CEP162: variants seen among roughly 807,000 people sequenced by gnomAD.
CEP162 encodes the protein centrosomal protein of 162 kDa.
CEP162 carries 141 observed loss-of-function variants against 169.2 expected under a neutral mutation model. That is an observed-to-expected ratio of 0.83 (90% CI 0.73 to 0.96). CEP162 has a LOEUF of 0.96. Among genes scored for constraint, CEP162 ranks in the 40% least tolerant of loss-of-function variants. The pLI is 0.00. For synonymous variants in CEP162, 540 were observed against 526.4 expected, an observed-to-expected ratio of 1.03 and a Z score of -0.35; for missense variants, 1,600 against 1,587.2, an observed-to-expected ratio of 1.01 and a Z score of -0.14.
At chr6:84,127,486 G>C (rs942250343) in intron 25 of CEP162, among the ~76,000 whole-genome samples, 2 of 152,088 alleles carry the variant, frequency 1.3e-5, no homozygotes, top group African/African-American at 4.8e-5. Context: ...GGTTTGCAGA[G>C]AGCTCAGGGA....
intron 25 of CEP162, among the ~76,000 whole-genome samples, chr6:84,129,190 C>T (rs1461212873): frequency 6.6e-6 from 1 of 152,110 alleles, no homozygotes; most frequent in African/African-American, 2.4e-5. Flanking sequence ...GATTTATAAT[C>T]CTTTGGGTAT....
At chr6:84,222,368 C>T (rs1169442063) in intron 2 of CEP162, among the ~76,000 whole-genome samples, 1 of 152,200 alleles carries the variant, frequency 6.6e-6, no homozygotes, top group Non-Finnish European at 1.5e-5. Context: ...TCTGTGGCTA[C>T]TCCCCTCCAT....
intron 25 of CEP162, among the ~76,000 whole-genome samples, chr6:84,126,939 C>T (rs2099509175): frequency 6.6e-6 from 1 of 152,170 alleles, no homozygotes; most frequent in Non-Finnish European, 1.5e-5. Context: ...TCTGTTAACT[C>T]CCTATAATTC....
intron 7 of CEP162, among the ~76,000 whole-genome samples, chr6:84,202,480 G>A (rs1588865745): frequency 1.5e-5 from 2 of 135,432 alleles, no homozygotes; most frequent in South Asian, 4.7e-4. Flanking sequence ...ATTATGCCTT[G>A]TACTGACCTA....
At chr6:84,207,667 G>T (rs189944401) in intron 6 of CEP162, among the ~76,000 whole-genome samples, 48 of 151,944 alleles carry the variant, frequency 3.2e-4, no homozygotes, top group African/African-American at 1.1e-3. Flanking sequence ...GTATACATAT[G>T]TAACAAACCT....
rs57509590 is a variant in CEP162 at position 84,219,749 on chromosome 6, T to C, written c.172+1308A>G. On this transcript the variant is annotated intron_variant, in intron 3 of 26. Coordinates refer to ENST00000403245, the MANE Select transcript of CEP162 (RefSeq NM_014895.4). Reference sequence around the variant, plus strand: ...CTTTAACATGCATTTATTAAACAAATTTATCATTTAATGTTGAGGGTCAGG... The same window carrying C: ...CTTTAACATGCATTTATTAAACAAACTTATCATTTAATGTTGAGGGTCAGG... 3.0e-3 allele frequency among the ~76,000 whole-genome samples: 451 copies of C among 152,276 alleles called. 2 individuals carry two copies. Among genetic ancestry groups the C allele is most frequent in the African/African-American group, 9.9e-3 (412 of 41,558 alleles).
chr6:84,155,259 CATCTCTGACCTTT>C, intron 22 of CEP162, 26 bp downstream of exon 22: 1 of 1,499,462 alleles, frequency 6.7e-7, no homozygotes, highest in Non-Finnish European at 9.2e-7. Context: ...CCCCATTGTT[CATCTCTGACCTTT>C]ATCTCTGAGG....
intron 21 of CEP162, among the ~76,000 whole-genome samples, chr6:84,159,041 T>G (rs1042599155): frequency 6.6e-6 from 1 of 151,500 alleles, no homozygotes; most frequent in Non-Finnish European, 1.5e-5. Context: ...TTTACTTATA[T>G]TCTATTTAAA....
intron 15 of CEP162, 49 bp downstream of exon 15, chr6:84,174,678 T>G: frequency 1.1e-6 from 1 of 933,962 alleles, no homozygotes; most frequent in East Asian, 2.7e-5. Context: ...ATTCAGCTTT[T>G]TTTTTTTTTA....
intron 10 of CEP162, among the ~76,000 whole-genome samples, 188 bp from the exon 11 acceptor site, chr6:84,193,878 T>A (rs1197437768): frequency 6.6e-6 from 1 of 152,176 alleles, no homozygotes; most frequent in African/African-American, 2.4e-5. Context: ...ATCAAATAAA[T>A]ATCTCAAATA....
chr6:84,197,707 C>T (rs943952966), intron 9 of CEP162, among the ~76,000 whole-genome samples: 3 of 151,754 alleles, frequency 2.0e-5, no homozygotes, highest in Non-Finnish European at 2.9e-5. Context: ...ATCCCAGCTA[C>T]TCAGGAGGCT....
intron 22 of CEP162, among the ~76,000 whole-genome samples, chr6:84,153,867 C>T (rs192347515): frequency 6.6e-6 from 1 of 152,094 alleles, no homozygotes; most frequent in East Asian, 1.9e-4. Context: ...CAACGTCCCA[C>T]AAGTAAAATA....
At chr6:84,221,992 G>A (rs2099553896) in intron 2 of CEP162, among the ~76,000 whole-genome samples, 1 of 151,154 alleles carries the variant, frequency 6.6e-6, no homozygotes, top group Non-Finnish European at 1.5e-5. Context: ...TGCATCTCCA[G>A]TGCCTAGCAT....
chr6:84,193,557 C>A, intron 11 of CEP162, 52 bp downstream of exon 11: 1 of 1,102,850 alleles, frequency 9.1e-7, no homozygotes, highest in Admixed American at 2.1e-5. Flanking sequence ...TTACATAGAA[C>A]AAATGACTAT....
intron 9 of CEP162, among the ~76,000 whole-genome samples, chr6:84,195,663 C>T (rs1265035887): frequency 2.0e-5 from 3 of 152,004 alleles, no homozygotes; most frequent in African/African-American, 4.8e-5. Flanking sequence ...TGTTTTTTTT[C>T]CTGTAACTGT....
rs1485958783 is a variant in CEP162 at position 84,155,475 on chromosome 6, A to G, written c.2817T>C (p.Tyr939=). ...ATATTAAAGCAGGTAAAGAATTGGG[A>G]TATCTTCTCTTCAGAATCCCTTCCA... The part of the protein sequence containing the change: ...KEMEGILKRR[Y]PNSLPALILA... Residue 939 remains tyrosine, a synonymous_variant, in exon 22 of 27, where the codon TAT becomes TAC. Transcript: ENST00000403245. 2 of 1,612,700 alleles carry G rather than the reference A, an allele frequency of 1.2e-6. No homozygotes were observed. The highest frequency in any genetic ancestry group is 3.3e-5 in the Admixed American group (2 of 60,000).
At chr6:84,146,652 A>G in intron 25 of CEP162, 35 bp downstream of exon 25, 1 of 990,982 alleles carries the variant, frequency 1.0e-6, no homozygotes, top group South Asian at 1.6e-5. Context: ...CCTAAGAAAA[A>G]CTTATTTTAG....
chr6:84,131,427 T>A (rs981551040), intron 25 of CEP162, among the ~76,000 whole-genome samples: 2 of 152,200 alleles, frequency 1.3e-5, no homozygotes, highest in South Asian at 4.1e-4. Context: ...CGTTGATCTG[T>A]CTAATGTTGA....
intron 25 of CEP162, among the ~76,000 whole-genome samples, chr6:84,137,279 T>C (rs574040733): frequency 6.6e-6 from 1 of 152,324 alleles, no homozygotes; most frequent in East Asian, 1.9e-4. Flanking sequence ...CTTATGGTTG[T>C]TGTGTGACTC....
Sources: allele counts gnomAD v4.1 joint callset (sites outside exome capture counted in the v4.1 genomes callset), GRCh38; gene constraint gnomAD v4.1.1; transcripts MANE v1.5; gene names NCBI Gene and HGNC (gene_info 2026-07-23, HGNC 2026-07-21).